The following NEDD4L variants were observed in gnomAD, a reference collection of about 807,000 sequenced individuals.
NEDD4L encodes E3 ubiquitin-protein ligase NEDD4-like.
In NEDD4L, 54 loss-of-function variants were observed where a neutral mutation model predicts 148.9. The observed-to-expected ratio is 0.36, with a 90% CI of 0.29 to 0.45. The LOEUF is 0.45. Ranked by LOEUF, NEDD4L falls within the 20% of genes least tolerant of loss-of-function variation. The pLI is 1.00. For missense variants in NEDD4L, 856 were observed against 1,233.8 expected (o/e 0.69, Z 4.59); for synonymous variants, 433 against 440.7 (o/e 0.98, Z 0.22).
chr18:58,185,005 C>T (rs1014670683), intron 2 of NEDD4L, among the ~76,000 whole-genome samples: 5 of 152,186 alleles, frequency 3.3e-5, no homozygotes, highest in South Asian at 4.1e-4. Flanking sequence ...CCTAACCCTG[C>T]GAGGGAGGGT....
At chr18:58,239,344 A>C (rs1405853379) in intron 2 of NEDD4L, among the ~76,000 whole-genome samples, 3 of 152,182 alleles carry the variant, frequency 2.0e-5, no homozygotes. Context: ...CACTTGAAAA[A>C]TGAAGACCTT....
At chr18:58,249,033 T>C (rs953063380) in intron 4 of NEDD4L, 96 bp downstream of exon 4, 25 of 629,632 alleles carry the variant, frequency 4.0e-5, no homozygotes, top group Admixed American at 1.0e-4. Context: ...AAATTTTTAA[T>C]GAGAAATTCC....
intron 19 of NEDD4L, among the ~76,000 whole-genome samples, chr18:58,362,102 TG>T (rs2045564776): frequency 6.6e-6 from 1 of 152,158 alleles, no homozygotes; most frequent in African/African-American, 2.4e-5. Context: ...GAGAAAGGCT[TG>T]AAATATCTCA....
At chr18:58,393,166 C>T (rs576362323) in intron 30 of NEDD4L, among the ~76,000 whole-genome samples, 1 of 152,356 alleles carries the variant, frequency 6.6e-6, no homozygotes, top group South Asian at 2.1e-4. Flanking sequence ...TCTGTGACTT[C>T]AGGGACACAT....
chr18:58,314,348 C>T (rs1005637000), intron 5 of NEDD4L, among the ~76,000 whole-genome samples: 35 of 149,752 alleles, frequency 2.3e-4, no homozygotes, highest in Non-Finnish European at 4.7e-4. Flanking sequence ...ACCCAGGAGG[C>T]GGAGGTTGCA....
intron 2 of NEDD4L, among the ~76,000 whole-genome samples, chr18:58,183,302 C>T (rs1342174796): frequency 6.6e-6 from 1 of 152,236 alleles, no homozygotes; most frequent in Non-Finnish European, 1.5e-5. Flanking sequence ...TTTGTTAGCT[C>T]TGGGTCTCTT....
intron 13 of NEDD4L, chr18:58,335,887 T>A (rs1382380942): frequency 4.2e-6 from 1 of 239,238 alleles, no homozygotes; most frequent in Non-Finnish European, 8.3e-6. Flanking sequence ...GGTTGGAAGA[T>A]CATCAAAGAA....
intron 1 of NEDD4L, chr18:58,045,050 T>C: frequency 4.9e-6 from 2 of 407,692 alleles, no homozygotes; most frequent in South Asian, 9.7e-5. Context: ...GTTGGGCAAC[T>C]TTCCGCCTCT....
At chr18:58,260,261 A>G (rs2049182842) in intron 5 of NEDD4L, among the ~76,000 whole-genome samples, 1 of 152,232 alleles carries the variant, frequency 6.6e-6, no homozygotes, top group Non-Finnish European at 1.5e-5. Flanking sequence ...GGATTCAATC[A>G]ACTTTCTTTC....
chr18:58,214,711 T>C (rs188610391), intron 2 of NEDD4L, among the ~76,000 whole-genome samples: 216 of 151,634 alleles, frequency 1.4e-3, no homozygotes, highest in Non-Finnish European at 1.8e-3. Context: ...AGCTTTGGGG[T>C]TTTTTCTCTA....
chr18:58,154,112 A>G (rs555224484), intron 1 of NEDD4L, among the ~76,000 whole-genome samples: 40 of 152,354 alleles, frequency 2.6e-4, no homozygotes, highest in African/African-American at 9.6e-4. Context: ...GAAACTCCTT[A>G]AAAATAATGT....
At chr18:58,347,436 C>T (rs1003132004) in intron 16 of NEDD4L, among the ~76,000 whole-genome samples, 2 of 152,048 alleles carry the variant, frequency 1.3e-5, no homozygotes, top group African/African-American at 4.8e-5. Flanking sequence ...TTACCTGGTC[C>T]GGATCAGAGT....
chr18:58,383,379 T>A, intron 25 of NEDD4L, 60 bp downstream of exon 25: 18 of 931,540 alleles, frequency 1.9e-5, no homozygotes, highest in Non-Finnish European at 3.1e-5. Context: ...GTTTGGTCAC[T>A]GTCCCTTGCT....
At chr18:58,273,224 C>T (rs2051334783) in intron 5 of NEDD4L, among the ~76,000 whole-genome samples, 1 of 152,210 alleles carries the variant, frequency 6.6e-6, no homozygotes, top group South Asian at 2.1e-4. Context: ...AGAACACAGT[C>T]ATGCATCTGA....
chr18:58,344,159 C>T (rs2042769775), intron 16 of NEDD4L, among the ~76,000 whole-genome samples: 1 of 152,172 alleles, frequency 6.6e-6, no homozygotes, highest in Non-Finnish European at 1.5e-5. Context: ...TAGTGATGGA[C>T]ATTAAGTGTG....
At chr18:58,170,376 G>A (rs1371010038) in intron 2 of NEDD4L, among the ~76,000 whole-genome samples, 15 of 52,698 alleles carry the variant, frequency 2.8e-4, no homozygotes, top group East Asian at 5.6e-4. Flanking sequence ...ACTGCTGCCC[G>A]CCTCATCACC....
intron 1 of NEDD4L, among the ~76,000 whole-genome samples, chr18:58,155,253 G>T (rs749098432): frequency 7.3e-6 from 1 of 137,232 alleles, no homozygotes; most frequent in Admixed American, 7.5e-5. Context: ...TAGTAATTGC[G>T]ACTATCTTGT....
intron 5 of NEDD4L, among the ~76,000 whole-genome samples, chr18:58,297,392 G>A (rs192971802): frequency 3.9e-5 from 6 of 152,294 alleles, no homozygotes; most frequent in East Asian, 1.9e-4. Context: ...AACATACTAC[G>A]TGTTGATGCT....
At chr18:58,275,939 C>G (rs903209992) in intron 5 of NEDD4L, among the ~76,000 whole-genome samples, 3 of 152,188 alleles carry the variant, frequency 2.0e-5, no homozygotes, top group Non-Finnish European at 4.4e-5. Flanking sequence ...AGCGGCTCTG[C>G]AGGCCTCTAA....
Sources: allele counts gnomAD v4.1 joint callset (sites outside exome capture counted in the v4.1 genomes callset), GRCh38; gene constraint gnomAD v4.1.1; transcripts MANE v1.5; gene names NCBI Gene and HGNC (gene_info 2026-07-23, HGNC 2026-07-21).